Variants in UST observed in about 807,000 individuals in gnomAD.
UST encodes the protein chondroitin sulfate 2-O-sulfotransferase.
In UST, 21 loss-of-function variants were observed where a neutral mutation model predicts 45.6. The observed-to-expected ratio is 0.46, with a 90% confidence interval of 0.33 to 0.66. The LOEUF (loss-of-function observed/expected upper bound fraction) is 0.66. Among genes scored for constraint, UST ranks in the 30% least tolerant of loss-of-function variants. The pLI is 0.02. For missense variants in UST, 463 were observed against 512.4 expected (o/e 0.90, Z 0.93); for synonymous variants, 215 against 200.6 (o/e 1.07, Z -0.61).
chr6:148,833,174 G>T (rs1777721227), intron 1 of UST, among the ~76,000 whole-genome samples: 2 of 152,170 alleles, frequency 1.3e-5, no homozygotes, highest in Non-Finnish European at 2.9e-5. Context: ...TAGAAAAATA[G>T]TATAAGCATG....
chr6:148,978,293 G>T (rs1256053355), intron 5 of UST, among the ~76,000 whole-genome samples: 1 of 151,694 alleles, frequency 6.6e-6, no homozygotes, highest in Non-Finnish European at 1.5e-5. Flanking sequence ...CCCATTACTG[G>T]GTATATACCC....
At chr6:148,863,580 C>T (rs778888178) in intron 1 of UST, among the ~76,000 whole-genome samples, 1 of 152,182 alleles carries the variant, frequency 6.6e-6, no homozygotes, top group Non-Finnish European at 1.5e-5. Flanking sequence ...AGAAGAGGCA[C>T]TCTATTTTTA....
chr6:148,909,239 C>G (rs1779429742), intron 2 of UST, among the ~76,000 whole-genome samples: 1 of 152,084 alleles, frequency 6.6e-6, no homozygotes, highest in Non-Finnish European at 1.5e-5. Flanking sequence ...TTTAAAAGAG[C>G]ACTGATCTTT....
At chr6:148,873,919 C>T (rs934650180) in intron 1 of UST, among the ~76,000 whole-genome samples, 1 of 152,236 alleles carries the variant, frequency 6.6e-6, no homozygotes, top group Admixed American at 6.5e-5. Context: ...CTGCTCTGTA[C>T]TTATCAGGGG....
At chr6:148,775,161 C>A (rs1425253624) in intron 1 of UST, among the ~76,000 whole-genome samples, 1 of 152,152 alleles carries the variant, frequency 6.6e-6, no homozygotes, top group African/African-American at 2.4e-5. Context: ...CCTCCTAGGC[C>A]CGCCCTCTAC....
chr6:148,891,874 T>G (rs1358017794), intron 2 of UST, among the ~76,000 whole-genome samples: 1 of 152,254 alleles, frequency 6.6e-6, no homozygotes, highest in Non-Finnish European at 1.5e-5. Flanking sequence ...TTATCCGTTT[T>G]CTTCCAGTAA....
chr6:148,883,325 G>A (rs560463758), intron 1 of UST, among the ~76,000 whole-genome samples: 6 of 152,340 alleles, frequency 3.9e-5, no homozygotes, highest in African/African-American at 1.4e-4. Flanking sequence ...GTGAGATGCC[G>A]TTAGACATCC....
At chr6:148,759,442 T>G (rs1196141973) in intron 1 of UST, among the ~76,000 whole-genome samples, 3 of 145,422 alleles carry the variant, frequency 2.1e-5, no homozygotes, top group African/African-American at 2.6e-5. Flanking sequence ...CAGGAGAATG[T>G]CATGAACCCA....
At chr6:148,921,493 G>A (rs1057197565) in intron 2 of UST, among the ~76,000 whole-genome samples, 2 of 152,200 alleles carry the variant, frequency 1.3e-5, no homozygotes, top group African/African-American at 4.8e-5. Flanking sequence ...CGTATGGGGA[G>A]ATTAGGCTGG....
intron 1 of UST, among the ~76,000 whole-genome samples, chr6:148,857,762 CAAAAAA>C (rs35774834): frequency 8.3e-6 from 1 of 120,462 alleles, no homozygotes; most frequent in Non-Finnish European, 1.7e-5. Context: ...GTCTCCATCT[CAAAAAA>C]AAAAAAAAAA....
intron 3 of UST, among the ~76,000 whole-genome samples, chr6:148,942,218 A>G (rs1032985631): frequency 6.6e-6 from 1 of 152,148 alleles, no homozygotes; most frequent in Non-Finnish European, 1.5e-5. Flanking sequence ...CAGCCACCCA[A>G]TGAGTGGTAC....
chr6:148,802,265 C>T (rs1777069553), intron 1 of UST, among the ~76,000 whole-genome samples: 1 of 152,154 alleles, frequency 6.6e-6, no homozygotes, highest in Non-Finnish European at 1.5e-5. Flanking sequence ...CAATGCTTCC[C>T]CCCAACCCCA....
intron 7 of UST, among the ~76,000 whole-genome samples, chr6:149,027,127 T>C (rs1020636075): frequency 6.6e-6 from 1 of 152,200 alleles, no homozygotes; most frequent in African/African-American, 2.4e-5. Flanking sequence ...AGAAGGATGG[T>C]AGTGTGCTCA....
chr6:148,798,270 AG>A (rs920427676), intron 1 of UST, among the ~76,000 whole-genome samples: 7 of 152,162 alleles, frequency 4.6e-5, no homozygotes, highest in African/African-American at 1.7e-4. Context: ...CTCAGAGCCA[AG>A]GGGAGGAGTG....
At chr6:148,996,513 C>T (rs1781455206) in intron 5 of UST, among the ~76,000 whole-genome samples, 1 of 152,242 alleles carries the variant, frequency 6.6e-6, no homozygotes, top group Non-Finnish European at 1.5e-5. Context: ...GCCACCACAC[C>T]TGCCCTGTTT....
At chr6:148,956,359 A>T (rs560135684) in intron 4 of UST, among the ~76,000 whole-genome samples, 67 of 138,758 alleles carry the variant, frequency 4.8e-4, no homozygotes, top group South Asian at 2.3e-3. Context: ...GTCGAAAGGC[A>T]CTTCTTACAT....
chr6:149,064,027 A>T (rs1046658131), intron 7 of UST, among the ~76,000 whole-genome samples: 2 of 152,150 alleles, frequency 1.3e-5, no homozygotes, highest in African/African-American at 2.4e-5. Flanking sequence ...AATCTTCATG[A>T]TCTTGTAGTA....
intron 6 of UST, 76 bp from the exon 7 acceptor site, chr6:149,021,247 AG>A: frequency 6.8e-7 from 1 of 1,459,914 alleles, no homozygotes; most frequent in Non-Finnish European, 9.3e-7. Context: ...TGGGAGGTAG[AG>A]GGGGTAAACT....
chr6:148,796,622 T>TAAAAAAAA lies in UST; in HGVS notation c.247+48945_247+48946insAAAAAAAA, dbSNP rs1449754454. Among the ~76,000 whole-genome samples the TAAAAAAAA allele has an allele frequency of 1.1e-4, 5 of 44,444 alleles. 1 individual carries two copies. Among genetic ancestry groups the TAAAAAAAA allele is most frequent in the African/African-American group, 3.7e-4 (5 of 13,358 alleles). 29.2% of individuals were successfully genotyped at this position (44,444 alleles called of 152,430 possible). A position where few individuals can be genotyped will look rare whatever the true frequency, so the allele number is the denominator to read the frequency against. ...CTGGACGACAGGGCAAGACTCTGTCTCAAAAAAAAAAAAAAAAAAAAAAAA... is the reference window on the plus strand; with the variant it reads ...CTGGACGACAGGGCAAGACTCTGTCTAAAAAAAACAAAAAAAAAAAAAAAAAAAAAAAA... On this transcript the variant is annotated intron_variant, in intron 1 of 7. Coordinates refer to ENST00000367463, the MANE Select transcript of UST (RefSeq NM_005715.3).
Sources: gnomAD v4.1 joint callset for allele counts (sites outside exome capture counted in the v4.1 genomes callset) on GRCh38, gnomAD v4.1.1 for gene constraint, MANE v1.5 for transcripts, NCBI Gene and HGNC (gene_info 2026-07-23, HGNC 2026-07-21) for gene names.